The following FER variants were observed in gnomAD, a reference collection of about 807,000 sequenced individuals.
FER encodes the protein FER tyrosine kinase, also known as tyrosine-protein kinase Fer.
In FER, 63 loss-of-function variants were observed where a neutral mutation model predicts 111.0. The observed-to-expected ratio is 0.57, with a 90% CI of 0.46 to 0.70. FER has a LOEUF of 0.70. FER is among the 30% of genes least tolerant of loss of function. The pLI is 0.00. For synonymous variants in FER, 327 were observed against 313.9 expected, an observed-to-expected ratio of 1.04 and a Z score of -0.44; for missense variants, 914 against 954.0, an observed-to-expected ratio of 0.96 and a Z score of 0.55.
intron 13 of FER, among the ~76,000 whole-genome samples, chr5:109,036,648 CTCTT>C (rs1013076800): frequency 6.6e-6 from 1 of 152,112 alleles, no homozygotes. Flanking sequence ...TTCCCTTCCT[CTCTT>C]TCTTTCCTTT....
At chr5:109,177,366 A>G (rs1428988512) in intron 17 of FER, among the ~76,000 whole-genome samples, 1 of 151,962 alleles carries the variant, frequency 6.6e-6, no homozygotes, top group East Asian at 1.9e-4. Flanking sequence ...CATAAGTGCT[A>G]GTAGTTATTT....
At position 108,797,756 on chromosome 5, in the gene FER, G is replaced by T. The variant is rs536735930; in HGVS notation, c.-59-368G>T. Among the ~76,000 whole-genome samples, 8 of 152,292 alleles carry T rather than the reference G, an allele frequency of 5.3e-5. No individual in the cohort carries two copies. In the South Asian group the frequency reaches 8.3e-4, roughly 16 times the overall value. ...GTTGTTAAATTTGGTTTTCCTGCTGGCAGGGGGCAGGGAGGCATAATTGGT... is the reference window on the plus strand; with the variant it reads ...GTTGTTAAATTTGGTTTTCCTGCTGTCAGGGGGCAGGGAGGCATAATTGGT... On this transcript the variant is annotated intron_variant, in intron 2 of 19. Transcript: ENST00000281092.
intron 10 of FER, among the ~76,000 whole-genome samples, chr5:108,929,183 C>G (rs1358354637): frequency 6.6e-6 from 1 of 152,028 alleles, no homozygotes; most frequent in African/African-American, 2.4e-5. Flanking sequence ...GGTATATATC[C>G]TGCAGTAATT....
intron 14 of FER, 81 bp from the exon 15 acceptor site, chr5:109,044,599 T>C (rs1339211571): frequency 1.5e-6 from 1 of 667,650 alleles, no homozygotes; most frequent in African/African-American, 1.8e-5. Flanking sequence ...CACCTCCTCC[T>C]CTTTGGTACC....
At chr5:108,792,401 C>T (rs766349778) in intron 2 of FER, among the ~76,000 whole-genome samples, 8 of 152,104 alleles carry the variant, frequency 5.3e-5, no homozygotes, top group South Asian at 4.1e-4. Context: ...GTGCAGTGGG[C>T]GTGATTTTGA....
chr5:108,885,783 C>T (rs187436146), intron 9 of FER, among the ~76,000 whole-genome samples: 1 of 151,898 alleles, frequency 6.6e-6, no homozygotes, highest in Admixed American at 6.6e-5. Context: ...TCCATTGCAA[C>T]ATTAAATGGG....
chr5:108,905,697 G>A (rs1197487592), intron 10 of FER, among the ~76,000 whole-genome samples: 64 of 152,074 alleles, frequency 4.2e-4, no homozygotes, highest in Non-Finnish European at 1.5e-4. Context: ...GCTGAATTTT[G>A]ACTTGTATGT....
intron 16 of FER, chr5:109,051,634 G>T: frequency 6.3e-7 from 1 of 1,586,660 alleles, no homozygotes; most frequent in Non-Finnish European, 8.7e-7. Flanking sequence ...CGAGAGGGGA[G>T]CAGTTGGTGA....
At chr5:108,749,254 C>A (rs974026259) in intron 1 of FER, among the ~76,000 whole-genome samples, 4 of 151,758 alleles carry the variant, frequency 2.6e-5, no homozygotes, top group Non-Finnish European at 5.9e-5. Flanking sequence ...CTGGTTGGGG[C>A]TTGGGCCGGG....
intron 13 of FER, among the ~76,000 whole-genome samples, chr5:109,002,270 C>T (rs373261197): frequency 6.6e-6 from 1 of 152,030 alleles, no homozygotes; most frequent in Admixed American, 6.6e-5. Flanking sequence ...GGTACCAAAG[C>T]GGAGATATAG....
intron 11 of FER, among the ~76,000 whole-genome samples, chr5:108,949,703 A>G (rs148076946): frequency 6.6e-6 from 1 of 152,242 alleles, no homozygotes; most frequent in African/African-American, 2.4e-5. Flanking sequence ...ATGGTTGCGT[A>G]TTGACATATT....
intron 16 of FER, among the ~76,000 whole-genome samples, chr5:109,090,760 C>T (rs1033021723): frequency 6.6e-6 from 1 of 152,062 alleles, no homozygotes; most frequent in Non-Finnish European, 1.5e-5. Context: ...TCATTAAACT[C>T]AAAGATATGT....
At chr5:109,074,657 A>G (rs1051319902) in intron 16 of FER, among the ~76,000 whole-genome samples, 6 of 152,214 alleles carry the variant, frequency 3.9e-5, no homozygotes, top group African/African-American at 1.4e-4. Context: ...CGGTCAGGAA[A>G]CCTGATTTCA....
intron 5 of FER, among the ~76,000 whole-genome samples, chr5:108,854,661 C>T (rs188603559): frequency 2.9e-4 from 44 of 152,204 alleles, no homozygotes; most frequent in African/African-American, 8.7e-4. Flanking sequence ...GCGGGCTGGA[C>T]GTGGTGGCTC....
intron 9 of FER, among the ~76,000 whole-genome samples, chr5:108,892,450 CT>C (rs1748263525): frequency 6.6e-6 from 1 of 152,156 alleles, no homozygotes; most frequent in South Asian, 2.1e-4. Flanking sequence ...TGTCTTTTGG[CT>C]GCATAAATGT....
intron 10 of FER, among the ~76,000 whole-genome samples, chr5:108,940,656 T>C (rs1756129653): frequency 1.3e-5 from 2 of 152,182 alleles, no homozygotes; most frequent in East Asian, 3.9e-4. Flanking sequence ...GATTAGAATC[T>C]AGAGGAGCCT....
At chr5:108,924,525 A>G (rs1208707790) in intron 10 of FER, 8 of 1,045,804 alleles carry the variant, frequency 7.6e-6, no homozygotes, top group Non-Finnish European at 9.7e-6. Flanking sequence ...TTCCATGCCA[A>G]CAGGGGGAGA....
At chr5:109,144,448 G>A (rs1753852864) in intron 17 of FER, among the ~76,000 whole-genome samples, 1 of 152,068 alleles carries the variant, frequency 6.6e-6, no homozygotes, top group Non-Finnish European at 1.5e-5. Context: ...TCAGAGCCCT[G>A]CACTCCGTAG....
intron 13 of FER, among the ~76,000 whole-genome samples, chr5:109,003,604 C>G (rs1165530314): frequency 2.0e-5 from 3 of 151,572 alleles, no homozygotes; most frequent in Non-Finnish European, 4.4e-5. Flanking sequence ...TATCCTAAAA[C>G]TTAAAGTATA....
Sources: allele counts gnomAD v4.1 joint callset (sites outside exome capture counted in the v4.1 genomes callset), GRCh38; gene constraint gnomAD v4.1.1; transcripts MANE v1.5; gene names NCBI Gene and HGNC (gene_info 2026-07-23, HGNC 2026-07-21).